PXYLP1: variants seen among roughly 807,000 people sequenced by gnomAD.
PXYLP1 encodes the protein acid phosphatase-like 2.
PXYLP1 carries 17 observed loss-of-function variants against 37.9 expected under a neutral mutation model. That is an observed-to-expected ratio of 0.45 (90% confidence interval 0.31 to 0.67). The LOEUF is 0.67. Among genes scored for constraint, PXYLP1 ranks in the 30% least tolerant of loss-of-function variants. The pLI, the probability that PXYLP1 is intolerant of heterozygous loss-of-function variation, is 0.07. For synonymous variants in PXYLP1, 221 were observed against 232.2 expected (o/e 0.95, Z 0.44); for missense variants, 511 against 612.0 (o/e 0.84, Z 1.74).
At chr3:141,245,084 C>T (rs1940906842) in intron 1 of PXYLP1, among the ~76,000 whole-genome samples, 1 of 121,978 alleles carries the variant, frequency 8.2e-6, no homozygotes, top group Non-Finnish European at 1.6e-5. Context: ...GAGTTTTGCA[C>T]TTTCATGCAG....
At chr3:141,276,505 A>AT (rs372646200) in intron 2 of PXYLP1, among the ~76,000 whole-genome samples, 332 of 152,288 alleles carry the variant, frequency 2.2e-3, no homozygotes, top group African/African-American at 7.7e-3. Flanking sequence ...CTTCTTTTTA[A>AT]CTGGGATAGA....
chr3:141,247,095 G>A (rs1940977742), intron 1 of PXYLP1, among the ~76,000 whole-genome samples: 1 of 152,224 alleles, frequency 6.6e-6, no homozygotes, highest in South Asian at 2.1e-4. Context: ...TTCATTCTTG[G>A]GGAGCAGGAG....
chr3:141,245,197 C>T (rs1187178569), intron 1 of PXYLP1, among the ~76,000 whole-genome samples: 3 of 151,646 alleles, frequency 2.0e-5, no homozygotes, highest in Non-Finnish European at 4.4e-5. Context: ...TTATAGGTGC[C>T]CGCCACCATG....
chr3:141,232,992 G>A (rs1940567973), intron 1 of PXYLP1, among the ~76,000 whole-genome samples: 1 of 152,156 alleles, frequency 6.6e-6, no homozygotes, highest in African/African-American at 2.4e-5. Context: ...GGGGATCGGA[G>A]AGTGCTCCAC....
At chr3:141,256,962 A>G (rs1421060251) in intron 1 of PXYLP1, among the ~76,000 whole-genome samples, 3 of 152,230 alleles carry the variant, frequency 2.0e-5, no homozygotes, top group Non-Finnish European at 4.4e-5. Flanking sequence ...AGTGCAGACT[A>G]GAAGCAGTCA....
intron 2 of PXYLP1, chr3:141,273,361 C>G (rs1250441795): frequency 6.1e-6 from 6 of 985,442 alleles, no homozygotes; most frequent in Non-Finnish European, 7.2e-6. Flanking sequence ...GGTCTACTGT[C>G]TGGCTGATGG....
intron 2 of PXYLP1, among the ~76,000 whole-genome samples, 166 bp downstream of exon 2, chr3:141,260,420 C>A (rs191988003): frequency 6.6e-6 from 1 of 152,320 alleles, no homozygotes; most frequent in Admixed American, 6.5e-5. Context: ...CCTAAACCAC[C>A]GAGCAGTGTT....
chr3:141,247,832 A>T (rs536177242), intron 1 of PXYLP1, among the ~76,000 whole-genome samples: 2 of 152,324 alleles, frequency 1.3e-5, no homozygotes, highest in East Asian at 3.9e-4. Flanking sequence ...AGTTAGCTGC[A>T]GTTTGTGGAA....
chr3:141,288,936 T>C (rs1303723380), intron 5 of PXYLP1, among the ~76,000 whole-genome samples: 1 of 152,206 alleles, frequency 6.6e-6, no homozygotes, highest in East Asian at 1.9e-4. Context: ...TTCTATGCAG[T>C]TAATTACTTA....
chr3:141,264,440 T>C (rs1941461958), intron 2 of PXYLP1, among the ~76,000 whole-genome samples: 1 of 151,712 alleles, frequency 6.6e-6, no homozygotes, highest in African/African-American at 2.4e-5. Context: ...TAAAGTCTCT[T>C]TAAACTCTAG....
intron 5 of PXYLP1, among the ~76,000 whole-genome samples, chr3:141,289,643 A>T (rs1198623268): frequency 6.6e-6 from 1 of 152,226 alleles, no homozygotes; most frequent in Non-Finnish European, 1.5e-5. Flanking sequence ...ACCAGGAATA[A>T]AAAAGCTGTC....
intron 3 of PXYLP1, 43 bp downstream of exon 3, chr3:141,278,543 C>T: frequency 6.2e-7 from 1 of 1,606,226 alleles, no homozygotes; most frequent in Non-Finnish European, 8.5e-7. Flanking sequence ...CCTTTGGGGA[C>T]TAGTTATTCC....
chr3:141,285,527 A>C (rs11709727), intron 4 of PXYLP1, among the ~76,000 whole-genome samples: 20,207 of 151,712 alleles, frequency 0.13, 1,689 homozygotes, highest in African/African-American at 0.24. Context: ...ACAACAACAA[A>C]AAAAAACAAA....
intron 1 of PXYLP1, among the ~76,000 whole-genome samples, chr3:141,256,644 C>T (rs1460465779): frequency 2.0e-5 from 3 of 152,218 alleles, no homozygotes; most frequent in Non-Finnish European, 4.4e-5. Context: ...ATCATTTAGC[C>T]ATTTTAATAA....
intron 2 of PXYLP1, among the ~76,000 whole-genome samples, chr3:141,265,990 C>T (rs1001498148): frequency 6.6e-6 from 1 of 152,160 alleles, no homozygotes; most frequent in African/African-American, 2.4e-5. Flanking sequence ...TGGAGGTAGC[C>T]AGCGGGCCCA....
intron 1 of PXYLP1, among the ~76,000 whole-genome samples, chr3:141,244,557 C>T (rs1312223053): frequency 2.7e-5 from 4 of 149,106 alleles, no homozygotes; most frequent in Non-Finnish European, 5.9e-5. Context: ...GATATGCTAG[C>T]GTTGGTTTTA....
intron 2 of PXYLP1, among the ~76,000 whole-genome samples, chr3:141,265,647 G>A (rs1459511350): frequency 6.6e-6 from 1 of 152,192 alleles, no homozygotes; most frequent in Non-Finnish European, 1.5e-5. Flanking sequence ...GTGTCGTGGG[G>A]CTAGGATGAT....
At chr3:141,282,865 A>G (rs1179895858) in intron 4 of PXYLP1, among the ~76,000 whole-genome samples, 1 of 152,212 alleles carries the variant, frequency 6.6e-6, no homozygotes, top group African/African-American at 2.4e-5. Flanking sequence ...CTGGAATTAG[A>G]GAACACAGAA....
At chr3:141,260,534 C>T (rs1202912312) in intron 2 of PXYLP1, among the ~76,000 whole-genome samples, 1 of 152,216 alleles carries the variant, frequency 6.6e-6, no homozygotes, top group Non-Finnish European at 1.5e-5. Flanking sequence ...CCCTGCTTGA[C>T]TTCTTATGCT....
Sources: gnomAD v4.1 joint callset for allele counts (sites outside exome capture counted in the v4.1 genomes callset) on GRCh38, gnomAD v4.1.1 for gene constraint, MANE v1.5 for transcripts, NCBI Gene and HGNC (gene_info 2026-07-23, HGNC 2026-07-21) for gene names.